Variants in TEAD1 observed in about 807,000 individuals in gnomAD.
The protein encoded by TEAD1 is TEA domain transcription factor 1.
TEAD1 carries 9 observed loss-of-function variants against 54.9 expected under a neutral mutation model. The ratio of observed to expected loss-of-function variants is 0.16; its 90% confidence interval spans 0.10 to 0.29. The LOEUF (loss-of-function observed/expected upper bound fraction) is 0.29, where lower values mean the gene tolerates loss of function less well. Ranked by LOEUF, TEAD1 falls within the 10% of genes least tolerant of loss-of-function variation. The probability of loss-of-function intolerance (pLI) is 1.00; values close to 1 mark genes in which losing one functional copy is unlikely to be tolerated. For missense variants in TEAD1, 387 were observed against 535.9 expected (o/e 0.72, Z 2.74); for synonymous variants, 200 against 187.8 (o/e 1.07, Z -0.53).
intron 3 of TEAD1, among the ~76,000 whole-genome samples, chr11:12,826,689 C>T (rs1280257461): frequency 6.6e-6 from 1 of 152,100 alleles, no homozygotes; most frequent in Non-Finnish European, 1.5e-5. Context: ...AAGAAAATTC[C>T]TTTTCTCTTA....
At chr11:12,816,468 C>T (rs958194936) in intron 3 of TEAD1, among the ~76,000 whole-genome samples, 3 of 152,174 alleles carry the variant, frequency 2.0e-5, no homozygotes, top group Admixed American at 6.5e-5. Flanking sequence ...TAAGTTACCC[C>T]GCCCCCTTTT....
chr11:12,850,377 A>G lies in TEAD1; in HGVS notation c.203-11873A>G, dbSNP rs983623800. Among the ~76,000 whole-genome samples the G allele has an allele frequency of 3.9e-5, 6 of 152,328 alleles. No individual in the cohort carries two copies. In the South Asian group the frequency reaches 1.2e-3, roughly 32 times the overall value. ...CTTGAACCCGGGAGGCGGAGGCTGC[A>G]GTGAGCCAAGGTCGTGCCATTGCTC... is the stretch of plus-strand genomic sequence containing the variant. On this transcript the variant is annotated intron_variant, in intron 3 of 12. Transcript: ENST00000527636.
intron 2 of TEAD1, among the ~76,000 whole-genome samples, chr11:12,734,479 G>A (rs567542188): frequency 8.5e-5 from 13 of 152,214 alleles, no homozygotes; most frequent in East Asian, 1.9e-4. Flanking sequence ...CTACAGTAGC[G>A]TACAGTAATA....
chr11:12,840,160 T>G (rs1401181029), intron 3 of TEAD1, among the ~76,000 whole-genome samples: 1 of 147,306 alleles, frequency 6.8e-6, no homozygotes, highest in South Asian at 2.2e-4. Context: ...GGCAGAAGAA[T>G]GGCGTGAACC....
intron 2 of TEAD1, among the ~76,000 whole-genome samples, chr11:12,751,351 T>C (rs1221194552): frequency 6.7e-6 from 1 of 148,354 alleles, no homozygotes; most frequent in Non-Finnish European, 1.5e-5. Context: ...ATCTCACAAA[T>C]CCTCAAAGGT....
chr11:12,715,691 TG>T (rs1284176084), intron 2 of TEAD1, among the ~76,000 whole-genome samples: 1 of 151,998 alleles, frequency 6.6e-6, no homozygotes, highest in Non-Finnish European at 1.5e-5. Context: ...GGGTTGTAGA[TG>T]GGCTTATCAG....
At chr11:12,784,338 T>A (rs768094014) in intron 3 of TEAD1, among the ~76,000 whole-genome samples, 6 of 152,106 alleles carry the variant, frequency 3.9e-5, no homozygotes, top group Non-Finnish European at 8.8e-5. Flanking sequence ...TTTGGGGCAC[T>A]TCATGGGGAG....
chr11:12,803,100 G>C (rs543282600), intron 3 of TEAD1, among the ~76,000 whole-genome samples: 1 of 139,076 alleles, frequency 7.2e-6, no homozygotes, highest in South Asian at 2.2e-4. Context: ...ATTTTCACCT[G>C]TATTTTTTTT....
chr11:12,852,843 G>A (rs1564964009), intron 3 of TEAD1, among the ~76,000 whole-genome samples: 2 of 152,196 alleles, frequency 1.3e-5, no homozygotes, highest in Non-Finnish European at 2.9e-5. Context: ...GTTACACAGG[G>A]AACTCAGCAG....
chr11:12,916,553 G>T (rs1361616865), intron 10 of TEAD1, among the ~76,000 whole-genome samples: 1 of 152,166 alleles, frequency 6.6e-6, no homozygotes, highest in Admixed American at 6.5e-5. Flanking sequence ...GATTACAGGT[G>T]AATTTTATAT....
Position 12,745,500 on chromosome 11 carries a change from G to A in TEAD1, c.-54-18679G>A, listed in dbSNP as rs1041021844. 1.3e-4 allele frequency among the ~76,000 whole-genome samples: 19 copies of A among 151,582 alleles called. 1 individual carries two copies. Among genetic ancestry groups the A allele is most frequent in the Admixed American group, 1.1e-3 (17 of 15,240 alleles). On this transcript the variant is annotated intron_variant, in intron 2 of 12. Transcript: ENST00000527636. ...ATTGGGAGAGGGCTGTTTCTGAAAA[G>A]CTAAAAAAAATTTAAAAACACAGAA...
At chr11:12,688,751 T>C (rs1272477469) in intron 2 of TEAD1, among the ~76,000 whole-genome samples, 1 of 152,178 alleles carries the variant, frequency 6.6e-6, no homozygotes, top group Non-Finnish European at 1.5e-5. Flanking sequence ...TAATAGTACT[T>C]CTCCACATGT....
intron 3 of TEAD1, among the ~76,000 whole-genome samples, chr11:12,788,936 G>C (rs1431587310): frequency 1.4e-4 from 22 of 152,174 alleles, no homozygotes. Context: ...GGGGTTTAGA[G>C]ATGGGGCCTG....
chr11:12,841,103 G>T (rs1947030301), intron 3 of TEAD1, among the ~76,000 whole-genome samples: 1 of 152,210 alleles, frequency 6.6e-6, no homozygotes, highest in Admixed American at 6.5e-5. Context: ...TGGATGCAGA[G>T]AGGGACACAG....
intron 3 of TEAD1, among the ~76,000 whole-genome samples, chr11:12,786,963 G>A (rs1007638364): frequency 8.5e-5 from 13 of 152,190 alleles, no homozygotes; most frequent in Non-Finnish European, 1.8e-4. Context: ...ATGTGTTTGA[G>A]GACTGGTGGG....
intron 10 of TEAD1, among the ~76,000 whole-genome samples, chr11:12,914,275 T>A (rs1006199436): frequency 2.0e-5 from 3 of 152,212 alleles, no homozygotes; most frequent in African/African-American, 7.2e-5. Flanking sequence ...GGTGCCAATC[T>A]GCACAATAAA....
At chr11:12,888,667 C>T (rs886500917) in intron 9 of TEAD1, among the ~76,000 whole-genome samples, 9 of 152,202 alleles carry the variant, frequency 5.9e-5, no homozygotes, top group Admixed American at 1.3e-4. Context: ...TGAAGACTTC[C>T]TCACAACCCC....
intron 2 of TEAD1, among the ~76,000 whole-genome samples, chr11:12,734,714 C>A (rs1443158807): frequency 2.0e-5 from 3 of 152,126 alleles, no homozygotes; most frequent in African/African-American, 7.2e-5. Context: ...ATATGCCGTA[C>A]AGATCTGTAT....
At chr11:12,856,130 CTTT>C (rs60226571) in intron 3 of TEAD1, among the ~76,000 whole-genome samples, 2 of 140,876 alleles carry the variant, frequency 1.4e-5, no homozygotes, top group African/African-American at 5.2e-5. Flanking sequence ...TATCTTCTTC[CTTT>C]TTTTTTTTTT....
Sources: allele counts gnomAD v4.1 joint callset (sites outside exome capture counted in the v4.1 genomes callset), GRCh38; gene constraint gnomAD v4.1.1; transcripts MANE v1.5; gene names NCBI Gene and HGNC (gene_info 2026-07-23, HGNC 2026-07-21).